The following GLIS3 variants were observed in gnomAD, a reference collection of about 807,000 sequenced individuals.
GLIS3 encodes GLIS family zinc finger 3, also known as zinc finger protein GLIS3.
In GLIS3, 53 loss-of-function variants were observed where a neutral mutation model predicts 78.6. The observed-to-expected ratio is 0.67, with a 90% CI of 0.54 to 0.85. The LOEUF (loss-of-function observed/expected upper bound fraction) is 0.85, where lower values mean the gene tolerates loss of function less well. GLIS3 is among the 40% of genes least tolerant of loss of function. The probability of loss-of-function intolerance (pLI) is 0.00; values close to 1 mark genes in which losing one functional copy is unlikely to be tolerated. For missense variants in GLIS3, 1,703 were observed against 1,231.1 expected, an observed-to-expected ratio of 1.38 and a Z score of -5.74; for synonymous variants, 684 against 509.9, an observed-to-expected ratio of 1.34 and a Z score of -4.60.
chr9:4,119,278 T>G (rs1832003442), intron 3 of GLIS3, among the ~76,000 whole-genome samples: 1 of 152,240 alleles, frequency 6.6e-6, no homozygotes, highest in Non-Finnish European at 1.5e-5. Flanking sequence ...GAGCACCTAC[T>G]ATGTGCAGCA....
intron 2 of GLIS3, among the ~76,000 whole-genome samples, chr9:4,169,488 T>G (rs994045204): frequency 6.6e-6 from 1 of 152,202 alleles, no homozygotes; most frequent in South Asian, 2.1e-4. Context: ...CCGTGTGGCT[T>G]TAAACACTAC....
At chr9:4,371,879 A>G in the GLIS3 span, among the ~76,000 whole-genome samples, 2 of 152,202 alleles carry the variant, frequency 1.3e-5, no homozygotes, top group African/African-American at 4.8e-5. Flanking sequence ...AATATCACAC[A>G]ATAAACGCAT....
intron 4 of GLIS3, among the ~76,000 whole-genome samples, chr9:3,974,045 T>A (rs934315251): frequency 1.3e-5 from 2 of 152,146 alleles, no homozygotes; most frequent in Non-Finnish European, 2.9e-5. Context: ...TAAATGGACA[T>A]ATGGTACAAA....
chr9:3,886,862 G>A (rs1334601876), intron 7 of GLIS3, among the ~76,000 whole-genome samples: 2 of 152,226 alleles, frequency 1.3e-5, no homozygotes, highest in African/African-American at 4.8e-5. Context: ...TGGAGAACGA[G>A]AGAGAGGCCT....
chr9:4,010,091 T>G (rs1821876922), intron 4 of GLIS3, among the ~76,000 whole-genome samples: 3 of 152,036 alleles, frequency 2.0e-5, no homozygotes, highest in African/African-American at 7.2e-5. Context: ...CCCTCCGAGT[T>G]GTGGCAATCA....
intron 9 of GLIS3, among the ~76,000 whole-genome samples, chr9:3,852,474 A>G (rs1819496795): frequency 7.2e-5 from 11 of 152,198 alleles, no homozygotes; most frequent in Admixed American, 7.2e-4. Context: ...TGTTACCAAG[A>G]TGCTGTACAA....
At chr9:3,914,101 T>C (rs979547878) in intron 6 of GLIS3, among the ~76,000 whole-genome samples, 6 of 151,832 alleles carry the variant, frequency 4.0e-5, no homozygotes, top group African/African-American at 1.2e-4. Context: ...CAAGTGAAAT[T>C]GAACCGAAAT....
upstream of GLIS3, among the ~76,000 whole-genome samples, chr9:4,348,779 A>G (rs1817926492): frequency 6.6e-6 from 1 of 152,086 alleles, no homozygotes; most frequent in Non-Finnish European, 1.5e-5. Context: ...AAGTGAAAAA[A>G]AAACAGATTA....
chr9:4,280,066 C>T (rs919383117), intron 2 of GLIS3, among the ~76,000 whole-genome samples: 8 of 152,200 alleles, frequency 5.3e-5, no homozygotes, highest in African/African-American at 1.9e-4. Context: ...GTCACCCAGG[C>T]TTGAGTGCAG....
the GLIS3 span, among the ~76,000 whole-genome samples, chr9:4,484,925 C>A: frequency 1.4e-5 from 2 of 145,796 alleles, no homozygotes; most frequent in Non-Finnish European, 3.0e-5. Context: ...CCAGAGGACA[C>A]AAGATTTGTA....
intron 1 of GLIS3, among the ~76,000 whole-genome samples, chr9:4,291,644 C>T (rs1815989831): frequency 6.6e-6 from 1 of 152,068 alleles, no homozygotes; most frequent in African/African-American, 2.4e-5. Flanking sequence ...AGAATGACCA[C>T]ATCCGATTCA....
chr9:3,936,468 GA>G (rs759289477), intron 5 of GLIS3, among the ~76,000 whole-genome samples: 8 of 152,244 alleles, frequency 5.3e-5, no homozygotes, highest in Non-Finnish European at 1.0e-4. Context: ...TGAGGAAAGT[GA>G]ACTCTTGGGA....
Position 3,826,993 on chromosome 9 carries a change from G to A in GLIS3, c.*1279C>T, listed in dbSNP as rs1817758533. On this transcript the variant is annotated 3_prime_UTR_variant, in exon 11 of 11. Transcript: ENST00000381971. ...ATTTAGGCTTGATATTTTCGACCAA[G>A]TGCTATGTGAAAATTCCAGGCCTTC... 6.6e-6 allele frequency: 1 copy of A among 152,150 alleles called. No individual in the cohort carries two copies. The highest frequency in any genetic ancestry group is 1.5e-5 in the Non-Finnish European group (1 of 68,032). The allele number at this position is 152,150 out of a possible 1,614,324, so 9.4% of individuals were successfully genotyped here.
At chr9:4,405,296 G>C in the GLIS3 span, among the ~76,000 whole-genome samples, 5 of 152,066 alleles carry the variant, frequency 3.3e-5, no homozygotes, top group African/African-American at 1.2e-4. Context: ...AGAGGTTGTG[G>C]GGAGTCGAGA....
At chr9:4,411,337 G>A in the GLIS3 span, among the ~76,000 whole-genome samples, 9 of 152,030 alleles carry the variant, frequency 5.9e-5, no homozygotes, top group African/African-American at 2.2e-4. Context: ...TAGTCCACAC[G>A]ACCTCCCAAC....
chr9:3,846,527 G>A (rs372851454), intron 9 of GLIS3, among the ~76,000 whole-genome samples: 3 of 152,192 alleles, frequency 2.0e-5, no homozygotes, highest in African/African-American at 7.2e-5. Flanking sequence ...AAACAGGGGT[G>A]TCAGTATCAT....
At chr9:3,849,560 G>T (rs1012262544) in intron 9 of GLIS3, among the ~76,000 whole-genome samples, 1 of 152,180 alleles carries the variant, frequency 6.6e-6, no homozygotes, top group African/African-American at 2.4e-5. Flanking sequence ...CATGGGCACT[G>T]CTGACTCTGT....
At chr9:4,094,597 G>T (rs1829792904) in intron 4 of GLIS3, among the ~76,000 whole-genome samples, 1 of 152,160 alleles carries the variant, frequency 6.6e-6, no homozygotes, top group Non-Finnish European at 1.5e-5. Context: ...ATAACTGAAT[G>T]AAAGTCATAA....
At chr9:4,277,362 C>G (rs958346873) in intron 2 of GLIS3, among the ~76,000 whole-genome samples, 1 of 152,176 alleles carries the variant, frequency 6.6e-6, no homozygotes. Context: ...AGATTAAAAC[C>G]AATTGAAATA....
Sources: gnomAD v4.1 joint callset for allele counts (sites outside exome capture counted in the v4.1 genomes callset) on GRCh38, gnomAD v4.1.1 for gene constraint, MANE v1.5 for transcripts, NCBI Gene and HGNC (gene_info 2026-07-23, HGNC 2026-07-21) for gene names.